Variants in NKAIN3 observed in about 807,000 individuals in gnomAD.
The protein encoded by NKAIN3 is sodium/potassium-transporting ATPase subunit beta-1-interacting protein 3.
In NKAIN3, 25 loss-of-function variants were observed where a neutral mutation model predicts 30.2. That is an observed-to-expected ratio of 0.83 (90% CI 0.60 to 1.16). NKAIN3 has a LOEUF of 1.16. Among genes scored for constraint, NKAIN3 ranks in the 50% most tolerant of loss-of-function variants. NKAIN3 has a pLI of 0.00. For synonymous variants in NKAIN3, 91 were observed against 89.6 expected (o/e 1.02, Z -0.09); for missense variants, 225 against 254.1 (o/e 0.89, Z 0.78).
chr8:62,914,230 A>G (rs1312447250), intron 4 of NKAIN3, among the ~76,000 whole-genome samples: 1 of 152,204 alleles, frequency 6.6e-6, no homozygotes, highest in African/African-American at 2.4e-5. Context: ...TTCCTTAGCA[A>G]ACTAATGCAG....
intron 4 of NKAIN3, among the ~76,000 whole-genome samples, chr8:62,795,898 G>A (rs998854159): frequency 6.6e-6 from 1 of 152,076 alleles, no homozygotes; most frequent in Admixed American, 6.6e-5. Context: ...GTGTATGTAT[G>A]AAATGACCCT....
intron 4 of NKAIN3, among the ~76,000 whole-genome samples, chr8:62,906,546 A>G (rs1295175628): frequency 6.6e-6 from 1 of 152,178 alleles, no homozygotes; most frequent in African/African-American, 2.4e-5. Flanking sequence ...CTCATCTTGA[A>G]TTGTAGCTCC....
intron 1 of NKAIN3, among the ~76,000 whole-genome samples, chr8:62,476,198 C>T (rs888599113): frequency 6.6e-6 from 1 of 152,078 alleles, no homozygotes; most frequent in Non-Finnish European, 1.5e-5. Context: ...ATGACCATGG[C>T]ATATATTTCA....
intron 3 of NKAIN3, among the ~76,000 whole-genome samples, chr8:62,702,390 G>T (rs1322190481): frequency 1.3e-5 from 2 of 152,116 alleles, no homozygotes; most frequent in African/African-American, 4.8e-5. Context: ...TGGGGTCAAA[G>T]GCATTGGAAA....
intron 1 of NKAIN3, among the ~76,000 whole-genome samples, chr8:62,311,995 G>C (rs1235603155): frequency 6.7e-6 from 1 of 150,326 alleles, no homozygotes; most frequent in Non-Finnish European, 1.5e-5. Flanking sequence ...ATGATTTGCA[G>C]TGACAGAAAA....
Position 62,972,110 on chromosome 8 carries a change from GT to G in NKAIN3, c.*6704del, listed in dbSNP as rs1823848701. On this transcript the variant is annotated 3_prime_UTR_variant, in exon 7 of 7. Transcript: ENST00000623646. ...GCCTTCTCTTCTGAATTGATTGGTA[GT>G]GTTGTTATTTTCTTGTTATTCAGTT... is the stretch of plus-strand genomic sequence containing the variant. 6.6e-6 allele frequency among the ~76,000 whole-genome samples: 1 copy of G among 152,080 alleles called. No homozygotes were observed.
chr8:62,904,673 C>G (rs1299079926), intron 4 of NKAIN3, among the ~76,000 whole-genome samples: 2 of 152,134 alleles, frequency 1.3e-5, no homozygotes. Context: ...TTTCAGACAC[C>G]CTGGTTTTCC....
At chr8:62,818,841 G>A (rs1818767396) in intron 4 of NKAIN3, among the ~76,000 whole-genome samples, 1 of 151,952 alleles carries the variant, frequency 6.6e-6, no homozygotes, top group Admixed American at 6.6e-5. Context: ...GGATTTTTCA[G>A]AATGTGAGGA....
At chr8:62,862,830 G>A in intron 4 of NKAIN3, among the ~76,000 whole-genome samples, 1 of 152,036 alleles carries the variant, frequency 6.6e-6, no homozygotes, top group East Asian at 1.9e-4. Flanking sequence ...GTAGCTTTGG[G>A]GGCTCAGATT....
rs186058257 is a variant in NKAIN3, at chr8:62,407,330, A to C, written c.54+158203A>C. On this transcript the variant is annotated intron_variant, in intron 1 of 6. Coordinates refer to ENST00000623646, the MANE Select transcript of NKAIN3 (RefSeq NM_001304533.3). ...GCATGCTTTTTTTCTATCTTTTAGG[A>C]TCATGGTATATAGAGAGTTTTAAAA... Among the ~76,000 whole-genome samples, 539 of 150,512 alleles carry C rather than the reference A, an allele frequency of 3.6e-3. 5 individuals are homozygous for C. The highest frequency in any genetic ancestry group is 0.013 in the African/African-American group (525 of 41,032).
intron 1 of NKAIN3, among the ~76,000 whole-genome samples, chr8:62,407,741 G>T (rs1804119605): frequency 6.6e-6 from 1 of 152,138 alleles, no homozygotes; most frequent in African/African-American, 2.4e-5. Context: ...TGACTAGATA[G>T]TTTTCAAAAA....
intron 4 of NKAIN3, among the ~76,000 whole-genome samples, chr8:62,767,011 G>A (rs1362046326): frequency 6.6e-6 from 1 of 151,958 alleles, no homozygotes; most frequent in East Asian, 1.9e-4. Context: ...TAGGGAGCAG[G>A]GAATCCAGCA....
intron 1 of NKAIN3, among the ~76,000 whole-genome samples, chr8:62,288,822 C>T (rs1813471113): frequency 6.6e-6 from 1 of 152,220 alleles, no homozygotes; most frequent in African/African-American, 2.4e-5. Flanking sequence ...GCCACACTAA[C>T]TTCCACAATG....
chr8:62,888,986 C>G (rs545180823), intron 4 of NKAIN3, among the ~76,000 whole-genome samples: 2 of 152,106 alleles, frequency 1.3e-5, no homozygotes, highest in South Asian at 4.1e-4. Flanking sequence ...GCAAAAGTTT[C>G]TTAGACAAAT....
chr8:62,408,174 A>G (rs1236001896), intron 1 of NKAIN3, among the ~76,000 whole-genome samples: 1 of 152,228 alleles, frequency 6.6e-6, no homozygotes, highest in Non-Finnish European at 1.5e-5. Context: ...AACTTTGAAC[A>G]CAAAATTTTG....
intron 3 of NKAIN3, among the ~76,000 whole-genome samples, chr8:62,720,080 T>C (rs1421247036): frequency 6.6e-6 from 1 of 152,150 alleles, no homozygotes; most frequent in Non-Finnish European, 1.5e-5. Flanking sequence ...GATGCAAGAA[T>C]TATCACAATT....
intron 3 of NKAIN3, among the ~76,000 whole-genome samples, chr8:62,611,173 A>T (rs575289295): frequency 1.4e-4 from 22 of 152,192 alleles, no homozygotes; most frequent in East Asian, 1.9e-4. Context: ...TTTCTTTTTT[A>T]AAAAAATGTT....
At chr8:62,779,659 T>TAC (rs1332394942) in intron 4 of NKAIN3, among the ~76,000 whole-genome samples, 3 of 152,196 alleles carry the variant, frequency 2.0e-5, no homozygotes, top group African/African-American at 7.2e-5. Context: ...TGTCAGAATA[T>TAC]ACATCTTTCT....
intron 3 of NKAIN3, among the ~76,000 whole-genome samples, chr8:62,637,246 C>CTT (rs1812159441): frequency 6.6e-6 from 1 of 152,186 alleles, no homozygotes; most frequent in South Asian, 2.1e-4. Flanking sequence ...TGAGGCTGCT[C>CTT]TGAGTTCCTA....
Sources: gnomAD v4.1 joint callset for allele counts (sites outside exome capture counted in the v4.1 genomes callset) on GRCh38, gnomAD v4.1.1 for gene constraint, MANE v1.5 for transcripts, NCBI Gene and HGNC (gene_info 2026-07-23, HGNC 2026-07-21) for gene names.